Variants in LARGE1 observed in about 807,000 individuals in gnomAD.
The protein encoded by LARGE1 is LARGE xylosyl- and glucuronyltransferase 1.
Under a neutral mutation model 87.6 loss-of-function variants are expected in LARGE1, and 43 were observed. That is an observed-to-expected ratio of 0.49 (90% CI 0.38 to 0.63). The LOEUF is 0.63. Ranked by LOEUF, LARGE1 falls within the 30% of genes least tolerant of loss-of-function variation. The pLI, the probability that LARGE1 is intolerant of heterozygous loss-of-function variation, is 0.00. For synonymous variants in LARGE1, 434 were observed against 394.6 expected (o/e 1.10, Z -1.18); for missense variants, 802 against 1,000.2 (o/e 0.80, Z 2.67).
At chr22:33,201,831 A>C (rs187031437) in intron 11 of LARGE1, among the ~76,000 whole-genome samples, 2 of 152,318 alleles carry the variant, frequency 1.3e-5, no homozygotes, top group East Asian at 3.9e-4. Flanking sequence ...AGCCTGATCC[A>C]AGTTACATTT....
At chr22:33,470,328 C>T (rs952098305) in intron 6 of LARGE1, among the ~76,000 whole-genome samples, 1 of 152,174 alleles carries the variant, frequency 6.6e-6, no homozygotes, top group Admixed American at 6.5e-5. Context: ...TATTATTGAA[C>T]TCTAAAAAGG....
chr22:33,317,048 C>T (rs1414691667), intron 10 of LARGE1, among the ~76,000 whole-genome samples: 1 of 151,778 alleles, frequency 6.6e-6, no homozygotes, highest in African/African-American at 2.4e-5. Context: ...ACCCTGTCTC[C>T]ACAAAAAATA....
At chr22:33,803,782 G>A (rs749057041) in intron 1 of LARGE1, among the ~76,000 whole-genome samples, 4 of 152,198 alleles carry the variant, frequency 2.6e-5, no homozygotes, top group African/African-American at 7.2e-5. Flanking sequence ...TAGAGGTTCC[G>A]TGCCTAGGGT....
chr22:33,319,285 C>T (rs1936483004), intron 10 of LARGE1, among the ~76,000 whole-genome samples: 1 of 152,208 alleles, frequency 6.6e-6, no homozygotes, highest in Non-Finnish European at 1.5e-5. Context: ...CTACCATTGC[C>T]ATGAGAAGAT....
At chr22:33,340,612 G>T (rs1939037968) in intron 9 of LARGE1, among the ~76,000 whole-genome samples, 1 of 151,854 alleles carries the variant, frequency 6.6e-6, no homozygotes, top group Non-Finnish European at 1.5e-5. Flanking sequence ...CCCTCCATGG[G>T]ACACCTGTGA....
chr22:33,067,796 T>G, the LARGE1 span, among the ~76,000 whole-genome samples: 1 of 151,804 alleles, frequency 6.6e-6, no homozygotes, highest in Admixed American at 6.6e-5. Context: ...CCTGGCCAAA[T>G]AGTGAAACCC....
chr22:33,333,635 A>G (rs1938032792), intron 10 of LARGE1, among the ~76,000 whole-genome samples: 3 of 152,184 alleles, frequency 2.0e-5, no homozygotes, highest in Non-Finnish European at 2.9e-5. Context: ...TACTTAGTAC[A>G]TTCACTCAAT....
chr22:33,221,230 C>T (rs1382600090), intron 11 of LARGE1, among the ~76,000 whole-genome samples: 2 of 152,152 alleles, frequency 1.3e-5, no homozygotes, highest in East Asian at 1.9e-4. Context: ...TTTCCACACA[C>T]GATTCTGATT....
At chr22:33,348,594 G>A (rs1216263888) in intron 9 of LARGE1, among the ~76,000 whole-genome samples, 1 of 152,126 alleles carries the variant, frequency 6.6e-6, no homozygotes, top group Non-Finnish European at 1.5e-5. Flanking sequence ...TTGCAAATGA[G>A]ATTAGCATCT....
At chr22:33,221,957 C>A (rs145116970) in intron 11 of LARGE1, among the ~76,000 whole-genome samples, 7 of 152,314 alleles carry the variant, frequency 4.6e-5, no homozygotes, top group African/African-American at 1.7e-4. Flanking sequence ...TACATATCAA[C>A]TAAACATTTT....
chr22:33,870,342 A>G (rs1054547596), intron 1 of LARGE1, among the ~76,000 whole-genome samples: 1 of 152,228 alleles, frequency 6.6e-6, no homozygotes, highest in Non-Finnish European at 1.5e-5. Context: ...TGAGCCATCC[A>G]GTTTGTTATG....
intron 11 of LARGE1, among the ~76,000 whole-genome samples, chr22:33,215,825 G>A (rs767504573): frequency 2.6e-5 from 4 of 152,064 alleles, no homozygotes; most frequent in Non-Finnish European, 4.4e-5. Flanking sequence ...GTGTGGTGGC[G>A]CATGCCTGTA....
At chr22:33,205,885 T>C (rs1256605905) in intron 11 of LARGE1, among the ~76,000 whole-genome samples, 1 of 151,312 alleles carries the variant, frequency 6.6e-6, no homozygotes, top group Non-Finnish European at 1.5e-5. Context: ...GTCAAGCAAT[T>C]CTCCTGCCTC....
chr22:33,221,780 A>T (rs189431752), intron 11 of LARGE1: 1 of 152,362 alleles, frequency 6.6e-6, no homozygotes, highest in African/African-American at 2.4e-5. Context: ...GGGTTGACCC[A>T]GATATGAAAC....
intron 1 of LARGE1, among the ~76,000 whole-genome samples, chr22:33,861,401 A>AACACAC (rs139884348): frequency 4.7e-5 from 7 of 148,956 alleles, no homozygotes; most frequent in East Asian, 2.0e-4. Context: ...CACACACACA[A>AACACAC]ACACACACAC....
the LARGE1 span, among the ~76,000 whole-genome samples, chr22:33,094,580 C>T: frequency 6.6e-6 from 1 of 152,118 alleles, no homozygotes; most frequent in Admixed American, 6.6e-5. Context: ...ATGCCTTTCT[C>T]TACTTTTTCT....
At chr22:33,825,200 T>A (rs2146286252) in intron 1 of LARGE1, among the ~76,000 whole-genome samples, 1 of 152,310 alleles carries the variant, frequency 6.6e-6, no homozygotes, top group Non-Finnish European at 1.5e-5. Context: ...GACTTTGCAT[T>A]ATGAAGGAAA....
chr22:33,898,093 A>G (rs912158124), intron 1 of LARGE1, among the ~76,000 whole-genome samples: 2 of 152,240 alleles, frequency 1.3e-5, no homozygotes, highest in Non-Finnish European at 2.9e-5. Flanking sequence ...AAAGGTACCC[A>G]ACAATTACCA....
At position 33,432,273 on chromosome 22, in the gene LARGE1, G is replaced by A. The variant is rs1287728626; in HGVS notation, c.788-8C>T. The A allele has an allele frequency of 2.1e-5, 34 of 1,606,538 alleles. No homozygotes were observed. Among genetic ancestry groups the A allele is most frequent in the Non-Finnish European group, 2.7e-5 (32 of 1,173,260 alleles). On this transcript the variant is annotated splice_region_variant and splice_polypyrimidine_tract_variant and intron_variant, in intron 6 of 14. Coordinates refer to ENST00000397394, the MANE Select transcript of LARGE1 (RefSeq NM_133642.5). ...AGCCCAGGACTTGCTGACCTGTGAG[G>A]TACAGAGAATACAAACATCTTAAAA...
Sources: allele counts gnomAD v4.1 joint callset (sites outside exome capture counted in the v4.1 genomes callset), GRCh38; gene constraint gnomAD v4.1.1; transcripts MANE v1.5; gene names NCBI Gene and HGNC (gene_info 2026-07-23, HGNC 2026-07-21).